Variants in ANK2 observed in about 807,000 individuals in gnomAD.
ANK2 encodes ankyrin-2.
In ANK2, 83 loss-of-function variants were observed where a neutral mutation model predicts 360.5. The ratio of observed to expected loss-of-function variants is 0.23; its 90% CI spans 0.19 to 0.28. ANK2 has a LOEUF of 0.28. ANK2 is among the 10% of genes least tolerant of loss of function. The pLI is 1.00. For synonymous variants in ANK2, 1,740 were observed against 1,759.5 expected, an observed-to-expected ratio of 0.99 and a Z score of 0.28; for missense variants, 4,201 against 4,795.7, an observed-to-expected ratio of 0.88 and a Z score of 3.66.
chr4:112,829,560 G>A lies in ANK2; in HGVS notation c.-40+11296G>A, dbSNP rs115591145. On this transcript the variant is annotated intron_variant, in intron 1 of 30. Transcript: ENST00000503271. ...ACTTCTCAAAAGAAGACACACAGGC[G>A]GCCAACAGGCATATGAAAAAAATTC... Among the ~76,000 whole-genome samples the A allele has an allele frequency of 6.7e-3, 981 of 146,998 alleles. 12 individuals are homozygous for A. Among genetic ancestry groups the A allele is most frequent in the African/African-American group, 0.023 (902 of 39,642 alleles).
chr4:113,089,431 G>A (rs2086595033), intron 1 of ANK2, among the ~76,000 whole-genome samples: 1 of 152,200 alleles, frequency 6.6e-6, no homozygotes, highest in Non-Finnish European at 1.5e-5. Flanking sequence ...GCATGGAGAT[G>A]CTTTGAAAAC....
At chr4:112,752,591 C>T in the ANK2 span, among the ~76,000 whole-genome samples, 1 of 151,684 alleles carries the variant, frequency 6.6e-6, no homozygotes, top group Non-Finnish European at 1.5e-5. Flanking sequence ...TTGATGTTGC[C>T]CAGGCTGGGC....
intron 2 of ANK2, among the ~76,000 whole-genome samples, chr4:112,963,534 G>T (rs979487542): frequency 5.9e-5 from 9 of 152,166 alleles, no homozygotes; most frequent in Non-Finnish European, 1.0e-4. Context: ...ATGGACCACA[G>T]TAGAGTAGCT....
Position 112,838,035 on chromosome 4 carries a change from T to G in ANK2, c.-40+19771T>G, listed in dbSNP as rs55877987. Among the ~76,000 whole-genome samples, 611 of 152,208 alleles carry G rather than the reference T, an allele frequency of 4.0e-3. 3 individuals carry two copies. The highest frequency in any genetic ancestry group is 0.013 in the African/African-American group (555 of 41,532). ...AGGATCCAGGGGTAGAATGATATGG[T>G]TTGGCTCTGTGTCCCCACCCAAATC... On this transcript the variant is annotated intron_variant, in intron 1 of 30. Transcript: ENST00000503271.
upstream of ANK2, chr4:112,818,038 A>G (rs1480007296): frequency 1.3e-5 from 2 of 152,344 alleles, no homozygotes; most frequent in African/African-American, 4.8e-5. Context: ...CGTCTGGCTG[A>G]TCTGATGTCA....
intron 41 of ANK2, 51 bp downstream of exon 41, chr4:113,365,233 TGTG>T: frequency 6.7e-7 from 1 of 1,488,290 alleles, no homozygotes; most frequent in Non-Finnish European, 9.2e-7. Context: ...GTGTGTGTGT[TGTG>T]TCTGTGTGTG....
At chr4:113,307,219 G>A (rs773326014) in intron 23 of ANK2, among the ~76,000 whole-genome samples, 2 of 152,030 alleles carry the variant, frequency 1.3e-5, no homozygotes, top group Non-Finnish European at 2.9e-5. Context: ...ATATAGAGGC[G>A]CCTCCTCCTT....
intron 2 of ANK2, among the ~76,000 whole-genome samples, chr4:112,991,243 A>AAAT (rs2046671848): frequency 6.6e-6 from 1 of 151,494 alleles, no homozygotes; most frequent in Admixed American, 6.6e-5. Context: ...CCTCAAAAAA[A>AAAT]AAAAAAAAAA....
At chr4:113,345,213 C>A (rs555850190) in intron 34 of ANK2, among the ~76,000 whole-genome samples, 1 of 152,226 alleles carries the variant, frequency 6.6e-6, no homozygotes, top group South Asian at 2.1e-4. Context: ...TATGGTTCCT[C>A]CATTTCTACA....
chr4:112,910,387 C>T (rs1320124176), intron 2 of ANK2, among the ~76,000 whole-genome samples: 1 of 152,166 alleles, frequency 6.6e-6, no homozygotes, highest in African/African-American at 2.4e-5. Flanking sequence ...TATTCAGTTG[C>T]ACAGGGAATG....
At chr4:113,278,686 T>A (rs1366642681) in intron 17 of ANK2, 128 bp downstream of exon 17, 4 of 892,626 alleles carry the variant, frequency 4.5e-6, no homozygotes, top group Non-Finnish European at 7.1e-6. Flanking sequence ...GCTTTTGGTA[T>A]TGACACCCTT....
At chr4:113,048,248 G>GTATATATATATATATA (rs869196489), upstream of ANK2, among the ~76,000 whole-genome samples, 51 of 36,230 alleles carry the variant, frequency 1.4e-3, no homozygotes, top group East Asian at 4.9e-3. Context: ...CTACAAGTGT[G>GTATATATATATATATA]TATATATATA....
the ANK2 span, among the ~76,000 whole-genome samples, chr4:112,805,552 C>T: frequency 6.7e-6 from 1 of 149,108 alleles, no homozygotes; most frequent in Non-Finnish European, 1.5e-5. Flanking sequence ...GGTGTAGGGA[C>T]TGTGACAAAG....
rs45604840 is a variant in ANK2 at position 113,330,233 on chromosome 4, T to C, written c.2901-13T>C. 4 of 1,611,148 alleles carry C rather than the reference T, an allele frequency of 2.5e-6. No individual in the cohort carries two copies. In the East Asian group the frequency reaches 6.7e-5, roughly 27 times the overall value. On this transcript the variant is annotated splice_polypyrimidine_tract_variant and intron_variant, in intron 26 of 45. Coordinates refer to ENST00000357077, the MANE Select transcript of ANK2 (RefSeq NM_001148.6). ...ATTTCAAAACATATCTAATCTTCTA[T>C]TTTAATTTTTAGTTTCCTGGTTAGT...
chr4:113,350,654 A>AT (rs2095354853), intron 37 of ANK2: 1 of 184,294 alleles, frequency 5.4e-6, no homozygotes, highest in Non-Finnish European at 1.1e-5. Context: ...TAGAGAGCTC[A>AT]TTATTTTTGT....
At position 113,356,552 on chromosome 4, in the gene ANK2, A is replaced by G; in HGVS notation, c.7934A>G (p.Asp2645Gly). 6.2e-7 allele frequency: 1 copy of G among 1,614,100 alleles called. No homozygotes were observed. Among genetic ancestry groups the G allele is most frequent in the Non-Finnish European group, 8.5e-7 (1 of 1,179,988 alleles). ...DEPKHTGSGE[D>G]ESGVPVLVTS... ...CCAAAACATACAGGCAGTGGGGAGG[A>G]TGAAAGTGGTGTCCCTGTGTTAGTA... Residue 2645 changes from aspartate to glycine, a missense_variant, in exon 38 of 46, where the codon GAT (aspartate) becomes GGT (glycine). Asp to Gly is a moderately conservative substitution (Grantham distance 94). Transcript: ENST00000357077.
intron 4 of ANK2, among the ~76,000 whole-genome samples, chr4:113,230,755 A>G (rs534609223): frequency 2.6e-5 from 4 of 152,218 alleles, no homozygotes; most frequent in Non-Finnish European, 5.9e-5. Flanking sequence ...TTCAAATTTA[A>G]TTTTAAACTC....
At chr4:113,264,791 A>T in intron 13 of ANK2, 106 bp from the exon 14 acceptor site, 1 of 1,104,164 alleles carries the variant, frequency 9.1e-7, no homozygotes, top group Non-Finnish European at 1.3e-6. Flanking sequence ...TAGGTTTCTT[A>T]AATCCTTGGA....
chr4:113,372,950 T>C, intron 43 of ANK2, 140 bp from the exon 44 acceptor site: 2 of 844,726 alleles, frequency 2.4e-6, no homozygotes, highest in Admixed American at 1.7e-5. Flanking sequence ...TTTTCACTAG[T>C]TGACAGGATT....
Sources: gnomAD v4.1 joint callset for allele counts (sites outside exome capture counted in the v4.1 genomes callset) on GRCh38, gnomAD v4.1.1 for gene constraint, MANE v1.5 for transcripts, NCBI Gene and HGNC (gene_info 2026-07-23, HGNC 2026-07-21) for gene names.